Variants in PRKX observed in about 807,000 individuals in gnomAD.
PRKX encodes cAMP-dependent protein kinase catalytic subunit PRKX.
PRKX carries 12 observed loss-of-function variants against 22.0 expected under a neutral mutation model. The observed-to-expected ratio is 0.54, with a 90% confidence interval of 0.35 to 0.88. The LOEUF (loss-of-function observed/expected upper bound fraction) is 0.88. Among genes scored for constraint, PRKX ranks in the 40% least tolerant of loss-of-function variants. The pLI is 0.01. For synonymous variants in PRKX, 134 were observed against 137.7 expected (o/e 0.97, Z 0.19); for missense variants, 217 against 308.0 (o/e 0.70, Z 2.21).
At chrX:3,615,350 G>A (rs1299297930) in intron 7 of PRKX, among the ~76,000 whole-genome samples, 1 of 111,438 alleles carries the variant, frequency 9.0e-6, no homozygotes, top group African/African-American at 3.3e-5. Flanking sequence ...TAGGCAGTTT[G>A]GCCAGAAACG....
intron 7 of PRKX, among the ~76,000 whole-genome samples, chrX:3,613,854 C>CAAAAAAA (rs1205221732): frequency 0.011 from 417 of 39,403 alleles, 21 homozygotes; most frequent in Middle Eastern, 0.019. Flanking sequence ...GACTCCATCT[C>CAAAAAAA]AAAAAAAAAA....
At chrX:3,687,284 G>A (rs748518415) in intron 1 of PRKX, among the ~76,000 whole-genome samples, 19 of 112,082 alleles carry the variant, frequency 1.7e-4, no homozygotes, top group Non-Finnish European at 3.0e-4. Flanking sequence ...ACAGGCATGA[G>A]CCACTGCGCC....
rs1008832019 is a variant in PRKX, at chrX:3,615,637, T to C, written c.951+178A>G. ...CCTTTGTGGGAGCTAGGTAGATGGTTAGCACTAAGACACTCAAAGAGTGGG... is the reference window on the plus strand; with the variant it reads ...CCTTTGTGGGAGCTAGGTAGATGGTCAGCACTAAGACACTCAAAGAGTGGG... On this transcript the variant is annotated intron_variant, in intron 7 of 8. Transcript: ENST00000262848. Among the ~76,000 whole-genome samples the C allele has an allele frequency of 2.7e-5, 3 of 111,872 alleles. No homozygotes were observed. In the Admixed American group the frequency reaches 2.9e-4, roughly 11 times the overall value.
chrX:3,697,802 C>T (rs780449843), intron 1 of PRKX, among the ~76,000 whole-genome samples: 3 of 111,740 alleles, frequency 2.7e-5, no homozygotes, highest in Non-Finnish European at 5.6e-5. Flanking sequence ...CCTCCCGCCT[C>T]GGCCGCGCAA....
intron 1 of PRKX, among the ~76,000 whole-genome samples, chrX:3,684,993 T>C (rs1160867831): frequency 9.0e-6 from 1 of 110,897 alleles, no homozygotes; most frequent in Non-Finnish European, 1.9e-5. Flanking sequence ...ATTTTTGTAT[T>C]TTTAGTAGAG....
chrX:3,638,917 A>G (rs1445176302), intron 4 of PRKX, among the ~76,000 whole-genome samples: 1 of 104,724 alleles, frequency 9.5e-6, no homozygotes, highest in Non-Finnish European at 1.9e-5. Flanking sequence ...TGACAGATAG[A>G]TGATAGGTAA....
chrX:3,648,364 G>C (rs925300392), intron 3 of PRKX, among the ~76,000 whole-genome samples: 57 of 110,175 alleles, frequency 5.2e-4, no homozygotes, highest in African/African-American at 1.8e-3. Context: ...GTAGAGATGA[G>C]GTCTTGCTAT....
At chrX:3,689,345 T>C (rs1928249985) in intron 1 of PRKX, among the ~76,000 whole-genome samples, 1 of 112,476 alleles carries the variant, frequency 8.9e-6, no homozygotes, top group Non-Finnish European at 1.9e-5. Flanking sequence ...AATGACCTTC[T>C]ATTTTATAGA....
chrX:3,635,501 C>G (rs773399680), intron 4 of PRKX, among the ~76,000 whole-genome samples: 1 of 112,112 alleles, frequency 8.9e-6, no homozygotes, highest in East Asian at 2.8e-4. Flanking sequence ...ACAACTAAGA[C>G]AAGATGGCCC....
intron 2 of PRKX, among the ~76,000 whole-genome samples, chrX:3,663,630 TAAAAAAAAAAAA>T (rs780899033): frequency 1.5e-5 from 1 of 66,224 alleles, no homozygotes; most frequent in Non-Finnish European, 2.9e-5. Context: ...CCACATCTCT[TAAAAAAAAAAAA>T]AAAAAAAAAA....
At chrX:3,691,626 C>T (rs771436624) in intron 1 of PRKX, among the ~76,000 whole-genome samples, 16 of 111,316 alleles carry the variant, frequency 1.4e-4, no homozygotes, top group African/African-American at 5.2e-4. Flanking sequence ...TGTGGTGGGG[C>T]CATCCTGTGC....
intron 3 of PRKX, among the ~76,000 whole-genome samples, chrX:3,649,878 G>A (rs940825542): frequency 1.8e-4 from 19 of 106,994 alleles, no homozygotes; most frequent in Non-Finnish European, 3.5e-4. Context: ...CGTAGCTCCC[G>A]CCTGTAATCC....
rs187748019 is a variant in PRKX at position 3,690,568 on chromosome X, C to T, written c.167-15802G>A. 9.0e-3 allele frequency among the ~76,000 whole-genome samples: 997 copies of T among 111,301 alleles called. 8 individuals carry two copies. Among genetic ancestry groups the T allele is most frequent in the Non-Finnish European group, 0.013 (685 of 53,025 alleles). The stretch of plus-strand genomic sequence containing the variant: ...ACAACAAAGCAAAACCCCATCTCTA[C>T]TAAAAACACAAAAAACAGCCAGGCA... On this transcript the variant is annotated intron_variant, in intron 1 of 8. Coordinates refer to ENST00000262848, the MANE Select transcript of PRKX (RefSeq NM_005044.5).
intron 4 of PRKX, among the ~76,000 whole-genome samples, chrX:3,632,666 A>G (rs762445544): frequency 4.5e-5 from 5 of 111,974 alleles, no homozygotes; most frequent in Non-Finnish European, 7.5e-5. Context: ...TCTTGCCTGA[A>G]AGAAAAAGCA....
At chrX:3,631,957 T>C (rs1475189656) in intron 4 of PRKX, among the ~76,000 whole-genome samples, 5 of 112,012 alleles carry the variant, frequency 4.5e-5, no homozygotes, top group African/African-American at 1.6e-4. Flanking sequence ...CATTCATACG[T>C]AGAACTACAC....
chrX:3,615,435 C>G (rs1926399999), intron 7 of PRKX, among the ~76,000 whole-genome samples: 1 of 111,902 alleles, frequency 8.9e-6, no homozygotes, highest in African/African-American at 3.2e-5. Context: ...TTGCTTATCT[C>G]TGTAATCCTG....
Position 3,713,321 on chromosome X carries a change from G to T in PRKX, c.-68C>A. 1 of 905,658 alleles carries T rather than the reference G, an allele frequency of 1.1e-6. No individual in the cohort carries two copies. The highest frequency in any genetic ancestry group is 1.4e-6 in the Non-Finnish European group (1 of 722,031). The allele number at this position is 905,658 out of a possible 1,213,427, so 74.6% of individuals were successfully genotyped here. Reference sequence around the variant, plus strand: ...CTCGGGGAGCCGGGCTTCCCGGGACGCAGCCTCGGAGGGCGGCGCGGCGGC... The same window carrying T: ...CTCGGGGAGCCGGGCTTCCCGGGACTCAGCCTCGGAGGGCGGCGCGGCGGC... On this transcript the variant is annotated 5_prime_UTR_variant, in exon 1 of 9. Coordinates refer to ENST00000262848, the MANE Select transcript of PRKX (RefSeq NM_005044.5).
chrX:3,682,281 T>C (rs777983567), intron 1 of PRKX, among the ~76,000 whole-genome samples: 123 of 111,266 alleles, frequency 1.1e-3, no homozygotes, highest in African/African-American at 3.7e-3. Flanking sequence ...TAGCTCGGCC[T>C]TTCACAGGTC....
chrX:3,646,234 G>A (rs1177812064), intron 3 of PRKX, among the ~76,000 whole-genome samples: 1 of 111,319 alleles, frequency 9.0e-6, no homozygotes, highest in Non-Finnish European at 1.9e-5. Context: ...AGAGGTTGCA[G>A]TGAGCCGAGA....
Sources: allele counts gnomAD v4.1 joint callset (sites outside exome capture counted in the v4.1 genomes callset), GRCh38; gene constraint gnomAD v4.1.1; transcripts MANE v1.5; gene names NCBI Gene and HGNC (gene_info 2026-07-23, HGNC 2026-07-21).